Variants in PROSER1 observed in about 807,000 individuals in gnomAD.
The protein encoded by PROSER1 is proline and serine-rich protein 1.
PROSER1 carries 36 observed loss-of-function variants against 71.8 expected under a neutral mutation model. The ratio of observed to expected loss-of-function variants is 0.50; its 90% CI spans 0.38 to 0.66. The LOEUF (loss-of-function observed/expected upper bound fraction) is 0.66, where lower values mean the gene tolerates loss of function less well. Ranked by LOEUF, PROSER1 falls within the 30% of genes least tolerant of loss-of-function variation. PROSER1 has a pLI of 0.00. For missense variants in PROSER1, 1,107 were observed against 1,135.0 expected, an observed-to-expected ratio of 0.98 and a Z score of 0.35; for synonymous variants, 490 against 452.4, an observed-to-expected ratio of 1.08 and a Z score of -1.06.
chr13:39,023,729 C>T (rs1051887937), intron 7 of PROSER1: 1 of 152,454 alleles, frequency 6.6e-6, no homozygotes, highest in African/African-American at 2.4e-5. Flanking sequence ...GTTGATGGAG[C>T]TTACCTAAGT....
chr13:39,012,136 A>G lies in PROSER1; in HGVS notation c.2659T>C (p.Ser887Pro). The change falls in exon 12 of 13, where the codon TCC becomes CCC. Residue 887 changes from serine (S) to proline (P), a missense_variant. Physicochemically the swap from Ser to Pro is moderately conservative, Grantham distance 74 (BLOSUM62 -1). Coordinates refer to ENST00000352251, the MANE Select transcript of PROSER1 (RefSeq NM_025138.5). ...PGFPQNPSQS[S>P]LQELQHNAAA... Reference sequence around the variant, plus strand: ...GCATTATGCTGTAATTCTTGCAAGGATGATTGTGAAGGATTCTGAGGAAAC... The same window carrying G: ...GCATTATGCTGTAATTCTTGCAAGGGTGATTGTGAAGGATTCTGAGGAAAC... 6.2e-7 allele frequency: 1 copy of G among 1,614,252 alleles called. No homozygotes were observed. The highest frequency in any genetic ancestry group is 8.5e-7 in the Non-Finnish European group (1 of 1,180,042).
intron 10 of PROSER1, among the ~76,000 whole-genome samples, chr13:39,015,237 T>C (rs181217670): frequency 2.1e-3 from 313 of 152,332 alleles, no homozygotes; most frequent in Non-Finnish European, 3.5e-3. Context: ...ACACTATTTC[T>C]AGAGTTTGCT....
chr13:39,024,687 T>A (rs144085422), intron 6 of PROSER1, 131 bp from the exon 7 acceptor site: 47 of 660,630 alleles, frequency 7.1e-5, no homozygotes, highest in African/African-American at 6.7e-4. Context: ...GCATTCCCAT[T>A]TCAGTTCTGC....
In PROSER1 at chr13:39,011,857, C is replaced by A. The variant is rs373972456; in HGVS notation, c.2712+226G>T. Among the ~76,000 whole-genome samples the A allele has an allele frequency of 1.6e-4, 24 of 152,282 alleles. No homozygotes were observed. The East Asian group carries it at 2.9e-3, about 18-fold the overall frequency. ...GAAATCTATAAGCAGGAAGGAAAAA[C>A]AATTCATACAGATAACTATATCCTA... On this transcript the variant is annotated intron_variant, in intron 12 of 12. Coordinates refer to ENST00000352251, the MANE Select transcript of PROSER1 (RefSeq NM_025138.5).
At chr13:39,029,053 T>C (rs1870685759) in intron 4 of PROSER1, 1 of 331,524 alleles carries the variant, frequency 3.0e-6, no homozygotes, top group South Asian at 1.4e-4. Context: ...ATAACTGAAA[T>C]ACAAAAAATC....
chr13:39,021,249 T>G (rs1870275054), intron 9 of PROSER1, among the ~76,000 whole-genome samples: 2 of 152,158 alleles, frequency 1.3e-5, no homozygotes, highest in Non-Finnish European at 2.9e-5. Flanking sequence ...GTGCAGAGTA[T>G]TCTTTGCTAT....
At position 39,037,253 on chromosome 13, in the gene PROSER1, A is replaced by G; in HGVS notation, c.-11T>C. The G allele has an allele frequency of 6.2e-7, 1 of 1,606,340 alleles. No homozygotes were observed. The highest frequency in any genetic ancestry group is 2.2e-5 in the East Asian group (1 of 44,828). ...GGACTTTTTATCCATCTTGACTACTATCCCGACGTGGTTTTAACAGTTATA... is the reference window on the plus strand; with the variant it reads ...GGACTTTTTATCCATCTTGACTACTGTCCCGACGTGGTTTTAACAGTTATA... On this transcript the variant is annotated 5_prime_UTR_variant, in exon 1 of 13. Transcript: ENST00000352251.
chr13:39,028,516 T>C (rs1428175272), intron 4 of PROSER1, among the ~76,000 whole-genome samples, 196 bp from the exon 5 acceptor site: 3 of 152,128 alleles, frequency 2.0e-5, no homozygotes, highest in Non-Finnish European at 4.4e-5. Context: ...TTTATCTGAT[T>C]ACTGAAAAGT....
chr13:39,013,846 A>G lies in PROSER1; in HGVS notation c.1406T>C (p.Leu469Ser). 1 of 1,614,244 alleles carries G rather than the reference A, an allele frequency of 6.2e-7. No homozygotes were observed. Among genetic ancestry groups the G allele is most frequent in the Admixed American group, 1.7e-5 (1 of 60,030 alleles). The change falls in exon 11 of 13, where the codon TTG (leucine) becomes TCG (serine). Residue 469 changes from leucine to serine, a missense_variant. Coordinates refer to ENST00000352251, the MANE Select transcript of PROSER1 (RefSeq NM_025138.5). ...AGPLGVNSPLLSALKGFLTSN... is the reference protein window; with the variant it reads ...AGPLGVNSPLSSALKGFLTSN... ...TGTCAGAAAACCTTTTAACGCAGAC[A>G]AAAGAGGACTGTTCACACCAAGTGG...
chr13:39,012,313 T>C lies in PROSER1; in HGVS notation c.2562-80A>G, dbSNP rs565319681. On this transcript the variant is annotated intron_variant, in intron 11 of 12. Transcript: ENST00000352251. ...GTTTCCATATTTGTCAAATACAATC[T>C]TAAAATGTTAAAAACAAAACAAAAA... 3.5e-6 allele frequency: 5 copies of C among 1,426,542 alleles called. No individual in the cohort carries two copies. The East Asian group carries it at 6.8e-5, about 19-fold the overall frequency. The allele number at this position is 1,426,542 out of a possible 1,614,324, so 88.4% of individuals were successfully genotyped here. A position where few individuals can be genotyped will look rare whatever the true frequency, so the allele number is the denominator to read the frequency against.
In PROSER1 at chr13:39,029,263, A is replaced by T. The variant is rs772568127; in HGVS notation, c.275+18T>A. 5 of 1,377,432 alleles carry T rather than the reference A, an allele frequency of 3.6e-6. No homozygotes were observed. In the East Asian group the frequency reaches 1.2e-4, roughly 34 times the overall value. The allele number at this position is 1,377,432 out of a possible 1,614,324, so 85.3% of individuals were successfully genotyped here. The stretch of plus-strand genomic sequence containing the variant: ...TTTCCCAAGTAAAAAAAAAAAAAAA[A>T]AAAAAAGAAATACTTACGAGGCTAA... On this transcript the variant is annotated intron_variant, in intron 4 of 12. Transcript: ENST00000352251.
At chr13:39,018,496 ACAC>A (rs1870121194) in intron 9 of PROSER1, among the ~76,000 whole-genome samples, 7 of 116,972 alleles carry the variant, frequency 6.0e-5, no homozygotes, top group African/African-American at 1.9e-4. Context: ...ACACACACAC[ACAC>A]ACACACACAC....
rs67984592 is a variant in PROSER1, at chr13:39,024,561, T to TA, written c.481-6dup. 158,319 of 1,227,644 alleles carry TA rather than the reference T, an allele frequency of 0.13. 133 individuals are homozygous for TA. Among genetic ancestry groups the TA allele is most frequent in the South Asian group, 0.17 (11,501 of 66,754 alleles). 76.0% of individuals were successfully genotyped at this position (1,227,644 alleles called of 1,614,324 possible). On this transcript the variant is annotated splice_region_variant and splice_polypyrimidine_tract_variant and intron_variant, in intron 6 of 12. Transcript: ENST00000352251. Reference sequence around the variant, plus strand: ...ATCTTTTTTCAAAGGAGTTCCCTATTAAAAAAAAAAAAAAAAGGTAATTGA... The same window carrying TA: ...ATCTTTTTTCAAAGGAGTTCCCTATTAAAAAAAAAAAAAAAAAGGTAATTGA...
In PROSER1 at chr13:39,010,458, A is replaced by G. The variant is rs145732544; in HGVS notation, c.*907T>C. 6.6e-6 allele frequency: 1 copy of G among 152,642 alleles called. No individual in the cohort carries two copies. The highest frequency in any genetic ancestry group is 6.5e-5 in the Admixed American group (1 of 15,284). The allele number at this position is 152,642 out of a possible 1,614,324, so 9.5% of individuals were successfully genotyped here. Reference sequence around the variant, plus strand: ...TACCACAGATCCTTAAATAGAGTACATACTGCATAATTACTAACAGAGCCA... The same window carrying G: ...TACCACAGATCCTTAAATAGAGTACGTACTGCATAATTACTAACAGAGCCA... On this transcript the variant is annotated 3_prime_UTR_variant, in exon 13 of 13. Coordinates refer to ENST00000352251, the MANE Select transcript of PROSER1 (RefSeq NM_025138.5).
In PROSER1 at chr13:39,013,021, G is replaced by A. The variant is rs770767864; in HGVS notation, c.2231C>T (p.Thr744Met). 41 of 1,614,022 alleles carry A rather than the reference G, an allele frequency of 2.5e-5. No homozygotes were observed. The highest frequency in any genetic ancestry group is 3.3e-4 in the Middle Eastern group (2 of 6,084). The stretch of plus-strand genomic sequence containing the variant: ...AGAAAGCCCTGAGAGAACAGCTGCC[G>A]TTGAGCTAGGATGAGGGAGAGATGT... ...TSTSLPHPSS[T>M]AAVLSGLSAS... The change falls in exon 11 of 13, where the codon ACG becomes ATG. Residue 744 changes from threonine to methionine, a missense_variant. Physicochemically the swap from Thr to Met is moderately conservative, Grantham distance 81. Coordinates refer to ENST00000352251, the MANE Select transcript of PROSER1 (RefSeq NM_025138.5).
At chr13:39,028,479 G>T (rs772303599) in intron 4 of PROSER1, among the ~76,000 whole-genome samples, 159 bp from the exon 5 acceptor site, 1 of 152,074 alleles carries the variant, frequency 6.6e-6, no homozygotes, top group Non-Finnish European at 1.5e-5. Flanking sequence ...TAAATAACAT[G>T]TTTATATATA....
chr13:39,018,222 G>T (rs1383148705), intron 9 of PROSER1, among the ~76,000 whole-genome samples: 1 of 152,092 alleles, frequency 6.6e-6, no homozygotes, highest in Non-Finnish European at 1.5e-5. Flanking sequence ...CAAGGGAAAG[G>T]ATCTATCCAA....
rs1415602012 is a variant in PROSER1, at chr13:39,013,897, C to T, written c.1355G>A (p.Gly452Asp). Residue 452 changes from glycine to aspartate, a missense_variant, in exon 11 of 13, where the codon GGT (glycine) becomes GAT (aspartate). Physicochemically the swap from Gly to Asp is moderately conservative, Grantham distance 94. Transcript: ENST00000352251. ...ACCGGCAACGCTGGGAGTAGAGCCA[C>T]CAGCAATTACAGGAGTCGGGTTGGA... ...GLSNPTPVIA[G>D]GSTPSVAGPL... 2 of 1,614,148 alleles carry T rather than the reference C, an allele frequency of 1.2e-6. No individual in the cohort carries two copies. Among genetic ancestry groups the T allele is most frequent in the Non-Finnish European group, 8.5e-7 (1 of 1,180,042 alleles).
chr13:39,024,737 CCTA>C (rs765526902), intron 6 of PROSER1, among the ~76,000 whole-genome samples, 181 bp from the exon 7 acceptor site: 1 of 152,042 alleles, frequency 6.6e-6, no homozygotes, highest in Non-Finnish European at 1.5e-5. Context: ...CCTCAATCCT[CCTA>C]TGCTATGGAA....
Sources: allele counts gnomAD v4.1 joint callset (sites outside exome capture counted in the v4.1 genomes callset), GRCh38; gene constraint gnomAD v4.1.1; transcripts MANE v1.5; gene names NCBI Gene and HGNC (gene_info 2026-07-23, HGNC 2026-07-21).